ZFHX3: variants seen among roughly 807,000 people sequenced by gnomAD.
The protein encoded by ZFHX3 is zinc finger homeobox protein 3.
A neutral mutation model predicts 279.1 loss-of-function variants in ZFHX3; 42 were observed. The ratio of observed to expected loss-of-function variants is 0.15; its 90% CI spans 0.12 to 0.19. ZFHX3 has a LOEUF of 0.19. ZFHX3 is among the 10% of genes least tolerant of loss of function. The pLI is 1.00. For missense variants in ZFHX3, 4,981 were observed against 4,754.0 expected (o/e 1.05, Z -1.40); for synonymous variants, 2,293 against 1,957.8 (o/e 1.17, Z -4.52).
chr16:73,315,124 G>T (rs1389218569), intron 4 of ZFHX3, among the ~76,000 whole-genome samples: 1 of 151,726 alleles, frequency 6.6e-6, no homozygotes, highest in African/African-American at 2.4e-5. Context: ...GCTAGTCAGG[G>T]GGCTGAGGCA....
chr16:73,794,334 G>A (rs139517335), intron 1 of ZFHX3: 5 of 152,282 alleles, frequency 3.3e-5, no homozygotes, highest in East Asian at 3.9e-4. Context: ...GCTCCCTGAC[G>A]GCCAGGTGAG....
intron 2 of ZFHX3, among the ~76,000 whole-genome samples, chr16:73,491,537 C>T (rs2019056210): frequency 6.6e-6 from 1 of 152,198 alleles, no homozygotes; most frequent in Non-Finnish European, 1.5e-5. Context: ...CCGTGGCATC[C>T]TCACTACTTC....
chr16:73,482,565 T>G (rs1358298979), intron 2 of ZFHX3, among the ~76,000 whole-genome samples: 1 of 152,158 alleles, frequency 6.6e-6, no homozygotes, highest in African/African-American at 2.4e-5. Context: ...TGTGTAGGGC[T>G]TTAGCCCAAC....
chr16:72,964,079 G>C (rs1018973342), intron 1 of ZFHX3, among the ~76,000 whole-genome samples: 55 of 152,200 alleles, frequency 3.6e-4, no homozygotes, highest in Non-Finnish European at 3.2e-4. Context: ...GATTCCCTGG[G>C]TGATCCCCTG....
At chr16:73,768,529 G>A (rs1363933399) in intron 1 of ZFHX3, among the ~76,000 whole-genome samples, 1 of 152,106 alleles carries the variant, frequency 6.6e-6, no homozygotes, top group African/African-American at 2.4e-5. Context: ...CCTCTCAATA[G>A]GAAAAGAGAG....
intron 7 of ZFHX3, among the ~76,000 whole-genome samples, chr16:73,104,355 C>T (rs565334432): frequency 3.3e-5 from 5 of 152,134 alleles, no homozygotes; most frequent in Non-Finnish European, 7.3e-5. Context: ...CTCAGCCTCC[C>T]GAGTAGCTGG....
intron 3 of ZFHX3, among the ~76,000 whole-genome samples, chr16:73,357,522 A>G (rs943214421): frequency 1.3e-5 from 2 of 152,136 alleles, no homozygotes; most frequent in Non-Finnish European, 2.9e-5. Flanking sequence ...ACCCTGTTGG[A>G]GGCACACTGG....
intron 1 of ZFHX3, among the ~76,000 whole-genome samples, chr16:73,838,033 G>A (rs1412363555): frequency 6.6e-6 from 1 of 152,168 alleles, no homozygotes; most frequent in Non-Finnish European, 1.5e-5. Context: ...CACATAATCG[G>A]ACATAACATG....
intron 1 of ZFHX3, among the ~76,000 whole-genome samples, chr16:73,688,554 A>C (rs1278300401): frequency 2.0e-5 from 3 of 152,122 alleles, no homozygotes; most frequent in Non-Finnish European, 2.9e-5. Context: ...TGTATGAAGC[A>C]GAAAGCAGGC....
intron 3 of ZFHX3, among the ~76,000 whole-genome samples, chr16:73,361,773 T>G (rs550783329): frequency 2.0e-5 from 3 of 152,320 alleles, no homozygotes; most frequent in African/African-American, 7.2e-5. Flanking sequence ...TTTTTGAGAT[T>G]GCTTCCTACT....
At chr16:73,187,145 C>CACACAA (rs1491521387) in intron 5 of ZFHX3, among the ~76,000 whole-genome samples, 4 of 31,916 alleles carry the variant, frequency 1.3e-4, no homozygotes, top group African/African-American at 4.8e-4. Flanking sequence ...TTGTATGTCT[C>CACACAA]ACACACACAC....
chr16:73,028,084 G>T (rs933778710), intron 1 of ZFHX3, among the ~76,000 whole-genome samples: 1 of 152,152 alleles, frequency 6.6e-6, no homozygotes, highest in African/African-American at 2.4e-5. Flanking sequence ...GGTCAGGGCA[G>T]GGCAGGATAG....
At chr16:73,812,428 C>G (rs1200360432) in intron 1 of ZFHX3, among the ~76,000 whole-genome samples, 1 of 152,178 alleles carries the variant, frequency 6.6e-6, no homozygotes, top group East Asian at 1.9e-4. Flanking sequence ...AAATGGTGTT[C>G]TTTCTCCTCC....
In ZFHX3 at chr16:73,328,330, T is replaced by A. The variant is rs1033024571; in HGVS notation, c.-1290-9994A>T. Among the ~76,000 whole-genome samples the A allele has an allele frequency of 3.9e-5, 6 of 152,176 alleles. No homozygotes were observed. The South Asian group carries it at 1.2e-3, about 32-fold the overall frequency. On this transcript the variant is annotated intron_variant, in intron 3 of 17. Transcript: ENST00000641206. Reference sequence around the variant, plus strand: ...TGTAGATAGGTAAATCTGGTCAATATCAGGAAATAGTATTCCCTGTATTTG... The same window carrying A: ...TGTAGATAGGTAAATCTGGTCAATAACAGGAAATAGTATTCCCTGTATTTG...
Position 73,296,877 on chromosome 16 carries a change from A to ATTTTTTTTTTTTTTTT in ZFHX3, c.-1194+21347_-1194+21362dup, listed in dbSNP as rs201366558. 4.8e-4 allele frequency among the ~76,000 whole-genome samples: 56 copies of ATTTTTTTTTTTTTTTT among 116,066 alleles called. 7 individuals carry two copies. The highest frequency in any genetic ancestry group is 1.8e-3 in the African/African-American group (53 of 28,720). The allele number at this position is 116,066 out of a possible 152,430, so 76.1% of individuals were successfully genotyped here. A position where few individuals can be genotyped will look rare whatever the true frequency, so the allele number is the denominator to read the frequency against. On this transcript the variant is annotated intron_variant, in intron 4 of 17. Coordinates refer to the ZFHX3 transcript ENST00000641206. ...TTTATAATTGCCATGTGAAGCAGGA[A>ATTTTTTTTTTTTTTTT]TTTTTTTTTTTTTTTTTTTGAGACG...
chr16:73,885,321 C>T (rs947484850), intron 1 of ZFHX3, among the ~76,000 whole-genome samples: 1 of 151,990 alleles, frequency 6.6e-6, no homozygotes, highest in Non-Finnish European at 1.5e-5. Context: ...TTTTAAAAAA[C>T]TTTTTATATG....
intron 3 of ZFHX3, among the ~76,000 whole-genome samples, chr16:73,337,900 G>GT (rs200918053): frequency 7.4e-6 from 1 of 134,700 alleles, no homozygotes; most frequent in Non-Finnish European, 1.6e-5. Context: ...GGCGGGGGGG[G>GT]GGGTCCTCAT....
At chr16:73,380,932 A>G (rs1359249247) in intron 3 of ZFHX3, among the ~76,000 whole-genome samples, 1 of 152,098 alleles carries the variant, frequency 6.6e-6, no homozygotes, top group African/African-American at 2.4e-5. Flanking sequence ...TCTCTGTTCT[A>G]TCTTTGCTTG....
chr16:73,197,924 G>GTTTTT (rs71156148), intron 5 of ZFHX3, among the ~76,000 whole-genome samples: 1,173 of 53,848 alleles, frequency 0.022, 198 homozygotes, highest in Middle Eastern at 0.047. Flanking sequence ...TGATTTGGTG[G>GTTTTT]TTTTTTTTTT....
Sources: gnomAD v4.1 joint callset for allele counts (sites outside exome capture counted in the v4.1 genomes callset) on GRCh38, gnomAD v4.1.1 for gene constraint, MANE v1.5 for transcripts, NCBI Gene and HGNC (gene_info 2026-07-23, HGNC 2026-07-21) for gene names.